PTPRD: variants seen among roughly 807,000 people sequenced by gnomAD.
PTPRD encodes protein tyrosine phosphatase receptor type D.
Under a neutral mutation model 214.5 loss-of-function variants are expected in PTPRD, and 34 were observed. The observed-to-expected ratio is 0.16, with a 90% CI of 0.12 to 0.21. The LOEUF (loss-of-function observed/expected upper bound fraction) is 0.21, where lower values mean the gene tolerates loss of function less well. Ranked by LOEUF, PTPRD falls within the 10% of genes least tolerant of loss-of-function variation. PTPRD has a pLI of 1.00. For synonymous variants in PTPRD, 1,128 were observed against 845.7 expected, an observed-to-expected ratio of 1.33 and a Z score of -5.79; for missense variants, 2,545 against 2,398.7, an observed-to-expected ratio of 1.06 and a Z score of -1.27.
At chr9:8,451,228 C>G (rs1370794209) in intron 33 of PTPRD, among the ~76,000 whole-genome samples, 1 of 152,170 alleles carries the variant, frequency 6.6e-6, no homozygotes, top group Non-Finnish European at 1.5e-5. Flanking sequence ...AATACATTTT[C>G]ATGGCTAAGT....
intron 9 of PTPRD, among the ~76,000 whole-genome samples, chr9:9,301,652 C>G (rs915824508): frequency 4.6e-5 from 7 of 151,888 alleles, no homozygotes; most frequent in Admixed American, 3.3e-4. Context: ...GAACACTAAT[C>G]TGATTTGTCT....
intron 9 of PTPRD, among the ~76,000 whole-genome samples, chr9:9,380,736 G>A (rs989133821): frequency 6.6e-6 from 1 of 151,994 alleles, no homozygotes; most frequent in African/African-American, 2.4e-5. Flanking sequence ...TGTACTTGCC[G>A]TTTTTCTACC....
intron 9 of PTPRD, among the ~76,000 whole-genome samples, chr9:9,371,418 C>A (rs1031053144): frequency 6.6e-6 from 1 of 152,136 alleles, no homozygotes; most frequent in Admixed American, 6.6e-5. Context: ...TTATAGTATT[C>A]TCTGATGGTA....
At chr9:9,136,161 A>G (rs2099850500) in intron 10 of PTPRD, among the ~76,000 whole-genome samples, 2 of 152,142 alleles carry the variant, frequency 1.3e-5, no homozygotes. Flanking sequence ...AATACTGAGT[A>G]ATTCACTGTG....
intron 2 of PTPRD, among the ~76,000 whole-genome samples, chr9:10,480,101 G>C (rs956828742): frequency 7.1e-6 from 1 of 140,014 alleles, no homozygotes; most frequent in Non-Finnish European, 1.5e-5. Context: ...GACCTATTTT[G>C]CTGGGCAGGG....
intron 23 of PTPRD, among the ~76,000 whole-genome samples, chr9:8,502,368 T>C (rs2097428591): frequency 6.6e-6 from 1 of 152,104 alleles, no homozygotes; most frequent in African/African-American, 2.4e-5. Flanking sequence ...GGGATTTCCC[T>C]AGACTTTGTG....
intron 4 of PTPRD, among the ~76,000 whole-genome samples, chr9:10,004,909 T>C (rs1410643450): frequency 1.3e-5 from 2 of 152,142 alleles, no homozygotes; most frequent in Non-Finnish European, 2.9e-5. Context: ...CTCTAGCAAA[T>C]TTTTCCAAGT....
intron 34 of PTPRD, chr9:8,437,170 G>A (rs1397589933): frequency 1.4e-6 from 2 of 1,481,432 alleles, no homozygotes; most frequent in Admixed American, 2.2e-5. Flanking sequence ...AACATAAAAT[G>A]ACTTATGCAT....
intron 7 of PTPRD, among the ~76,000 whole-genome samples, chr9:9,581,440 A>G (rs576732955): frequency 6.6e-6 from 1 of 152,158 alleles, no homozygotes; most frequent in South Asian, 2.1e-4. Flanking sequence ...AAAAAATAAC[A>G]ACTTTGAACT....
chr9:10,368,416 CCT>C (rs2097552535), intron 2 of PTPRD, among the ~76,000 whole-genome samples: 2 of 152,184 alleles, frequency 1.3e-5, no homozygotes, highest in Admixed American at 6.5e-5. Flanking sequence ...TCTAAGTTCA[CCT>C]ACTGAAATGA....
At chr9:9,375,064 C>G (rs894513567) in intron 9 of PTPRD, among the ~76,000 whole-genome samples, 1 of 152,046 alleles carries the variant, frequency 6.6e-6, no homozygotes, top group Non-Finnish European at 1.5e-5. Context: ...AGGTCTATAA[C>G]CAAACTCTGT....
intron 9 of PTPRD, among the ~76,000 whole-genome samples, chr9:9,190,375 T>C (rs1431170274): frequency 6.6e-6 from 1 of 152,044 alleles, no homozygotes; most frequent in Non-Finnish European, 1.5e-5. Context: ...ATGCTATTCT[T>C]GTGATAGTGA....
intron 9 of PTPRD, among the ~76,000 whole-genome samples, chr9:9,241,641 G>A (rs2099970396): frequency 6.6e-6 from 1 of 151,934 alleles, no homozygotes; most frequent in Non-Finnish European, 1.5e-5. Flanking sequence ...TTTAAAGCCT[G>A]TTTTATCAGA....
chr9:9,485,225 C>A, intron 8 of PTPRD, among the ~76,000 whole-genome samples: 1 of 152,120 alleles, frequency 6.6e-6, no homozygotes. Flanking sequence ...AAAATTGAAG[C>A]ATAATCCACT....
intron 12 of PTPRD, among the ~76,000 whole-genome samples, chr9:8,696,502 A>T (rs1044523040): frequency 6.6e-6 from 1 of 152,194 alleles, no homozygotes; most frequent in Admixed American, 6.5e-5. Flanking sequence ...TATGAATTAG[A>T]TAAACTTGGT....
At chr9:9,954,266 C>G (rs1303623599) in intron 4 of PTPRD, among the ~76,000 whole-genome samples, 1 of 128,988 alleles carries the variant, frequency 7.8e-6, no homozygotes, top group African/African-American at 3.0e-5. Flanking sequence ...GCATTCCAGC[C>G]TCGGTGACAG....
At chr9:9,719,336 C>G (rs148874425) in intron 7 of PTPRD, among the ~76,000 whole-genome samples, 1 of 152,216 alleles carries the variant, frequency 6.6e-6, no homozygotes, top group Non-Finnish European at 1.5e-5. Flanking sequence ...ACTCAAGATC[C>G]ACCAAACAGT....
chr9:9,781,072 C>A (rs576103675), intron 5 of PTPRD, among the ~76,000 whole-genome samples: 1 of 152,224 alleles, frequency 6.6e-6, no homozygotes, highest in Admixed American at 6.5e-5. Flanking sequence ...AGGGGGTTTT[C>A]AGGGCAGTGA....
chr9:8,444,439 T>C (rs1289584012), intron 34 of PTPRD, among the ~76,000 whole-genome samples: 1 of 152,102 alleles, frequency 6.6e-6, no homozygotes, highest in Non-Finnish European at 1.5e-5. Context: ...AAATTAATTC[T>C]GGAAAGGTAT....
Sources: gnomAD v4.1 joint callset for allele counts (sites outside exome capture counted in the v4.1 genomes callset) on GRCh38, gnomAD v4.1.1 for gene constraint, MANE v1.5 for transcripts, NCBI Gene and HGNC (gene_info 2026-07-23, HGNC 2026-07-21) for gene names.